Variants in MDGA1 observed in about 807,000 individuals in gnomAD.
MDGA1 encodes the protein MAM domain containing glycosylphosphatidylinositol anchor 1, also known as MAM domain-containing glycosylphosphatidylinositol anchor protein 1.
A neutral mutation model predicts 101.5 loss-of-function variants in MDGA1; 54 were observed. That is an observed-to-expected ratio of 0.53 (90% CI 0.43 to 0.67). MDGA1 has a LOEUF of 0.67. Among genes scored for constraint, MDGA1 ranks in the 30% least tolerant of loss-of-function variants. The pLI is 0.00. For missense variants in MDGA1, 1,083 were observed against 1,323.8 expected (o/e 0.82, Z 2.82); for synonymous variants, 533 against 558.3 (o/e 0.95, Z 0.64).
intron 1 of MDGA1, among the ~76,000 whole-genome samples, chr6:37,687,540 G>C (rs1561864432): frequency 6.6e-6 from 1 of 152,114 alleles, no homozygotes; most frequent in African/African-American, 2.4e-5. Flanking sequence ...CTGTTCTCCA[G>C]CCTGCAAGAC....
At chr6:37,644,340 C>T (rs763291077) in intron 13 of MDGA1, among the ~76,000 whole-genome samples, 157 bp downstream of exon 13, 1 of 151,958 alleles carries the variant, frequency 6.6e-6, no homozygotes, top group African/African-American at 2.4e-5. Flanking sequence ...TCCCTGAAAT[C>T]GAGGCTGTGT....
In MDGA1 at chr6:37,654,553, C is replaced by T. The variant is rs768292174; in HGVS notation, c.713-10G>A. On this transcript the variant is annotated splice_polypyrimidine_tract_variant and intron_variant, in intron 5 of 16. Coordinates refer to ENST00000434837, the MANE Select transcript of MDGA1 (RefSeq NM_153487.4). Reference sequence around the variant, plus strand: ...TTCAGGGCTGGTGGTGCTAAGAGGACAAGGAGGGGGGTCTTAGGGGACTGT... The same window carrying T: ...TTCAGGGCTGGTGGTGCTAAGAGGATAAGGAGGGGGGTCTTAGGGGACTGT... 6.2e-7 allele frequency: 1 copy of T among 1,613,878 alleles called. No individual in the cohort carries two copies. Among genetic ancestry groups the T allele is most frequent in the South Asian group, 1.1e-5 (1 of 91,068 alleles).
chr6:37,651,981 C>A, intron 7 of MDGA1, 30 bp downstream of exon 7: 2 of 1,518,124 alleles, frequency 1.3e-6, no homozygotes, highest in South Asian at 2.5e-5. Context: ...ACCCCCCTCA[C>A]ATTTCCGCAG....
chr6:37,650,983 C>A lies in MDGA1; in HGVS notation c.1313-578G>T, dbSNP rs376953852. ...ATGAGGGCGTTTAAAAGAAGCTGTA[C>A]CCCTCTTCTCCTTCCTGCAGAAAAG... On this transcript the variant is annotated intron_variant, in intron 7 of 16. Coordinates refer to ENST00000434837, the MANE Select transcript of MDGA1 (RefSeq NM_153487.4). Among the ~76,000 whole-genome samples the A allele has an allele frequency of 3.3e-5, 5 of 152,200 alleles. No individual in the cohort carries two copies. In the East Asian group the frequency reaches 9.6e-4, roughly 29 times the overall value.
rs757574806 is a variant in MDGA1, at chr6:37,635,613, G to A, written c.*1755C>T. 2.5e-6 allele frequency: 1 copy of A among 398,690 alleles called. No homozygotes were observed. The highest frequency in any genetic ancestry group is 4.4e-6 in the Non-Finnish European group (1 of 226,096). 24.7% of individuals were successfully genotyped at this position (398,690 alleles called of 1,614,324 possible). A position where few individuals can be genotyped will look rare whatever the true frequency, so the allele number is the denominator to read the frequency against. On this transcript the variant is annotated 3_prime_UTR_variant, in exon 17 of 17. Coordinates refer to ENST00000434837, the MANE Select transcript of MDGA1 (RefSeq NM_153487.4). The stretch of plus-strand genomic sequence containing the variant: ...GGGGAGATGGGCAGCCTTTGCCTCG[G>A]TTCCCCGCCTGCCTCCTGGCACTGC...
At position 37,637,253 on chromosome 6, in the gene MDGA1, C is replaced by G; in HGVS notation, c.*115G>C. 1 of 764,944 alleles carries G rather than the reference C, an allele frequency of 1.3e-6. No individual in the cohort carries two copies. The highest frequency in any genetic ancestry group is 2.2e-6 in the Non-Finnish European group (1 of 455,698). The allele number at this position is 764,944 out of a possible 1,614,324, so 47.4% of individuals were successfully genotyped here. A position where few individuals can be genotyped will look rare whatever the true frequency, so the allele number is the denominator to read the frequency against. On this transcript the variant is annotated 3_prime_UTR_variant, in exon 17 of 17. Coordinates refer to ENST00000434837, the MANE Select transcript of MDGA1 (RefSeq NM_153487.4). ...CTTGCAGCCAATGCAGGCCCCCTCC[C>G]TGGCGGGCCGGCCCTGCCCCTGGGC... is the stretch of plus-strand genomic sequence containing the variant.
chr6:37,673,973 C>T (rs916780972), intron 1 of MDGA1, among the ~76,000 whole-genome samples: 6 of 152,204 alleles, frequency 3.9e-5, no homozygotes, highest in Non-Finnish European at 7.3e-5. Context: ...CACACACAAT[C>T]ACCTTTTAAT....
chr6:37,643,758 T>G, intron 14 of MDGA1, 51 bp downstream of exon 14: 5 of 1,606,572 alleles, frequency 3.1e-6, no homozygotes, highest in Non-Finnish European at 4.3e-6. Context: ...CCCACTCCCC[T>G]CCCATCCTCC....
chr6:37,692,418 G>T (rs1447516988), intron 1 of MDGA1, among the ~76,000 whole-genome samples: 3 of 150,514 alleles, frequency 2.0e-5, no homozygotes, highest in African/African-American at 7.3e-5. Flanking sequence ...GCCATGAGAT[G>T]AAAGTGGGGA....
intron 1 of MDGA1, among the ~76,000 whole-genome samples, chr6:37,693,075 T>A (rs952524683): frequency 6.6e-6 from 1 of 152,206 alleles, no homozygotes; most frequent in Admixed American, 6.5e-5. Context: ...CTTGGATTTG[T>A]GGACACAAAG....
intron 8 of MDGA1, among the ~76,000 whole-genome samples, chr6:37,649,630 G>A (rs771607307): frequency 2.4e-4 from 37 of 151,808 alleles, no homozygotes; most frequent in Non-Finnish European, 4.3e-4. Flanking sequence ...CCCTGACTCT[G>A]TGAGACTTTA....
intron 1 of MDGA1, among the ~76,000 whole-genome samples, chr6:37,673,869 C>T (rs1761922737): frequency 6.6e-6 from 1 of 152,202 alleles, no homozygotes; most frequent in Admixed American, 6.5e-5. Context: ...CCATCCAGTT[C>T]TGGTCATTCT....
At chr6:37,660,140 G>C (rs566823786) in intron 2 of MDGA1, among the ~76,000 whole-genome samples, 3 of 149,760 alleles carry the variant, frequency 2.0e-5, no homozygotes, top group Non-Finnish European at 4.4e-5. Context: ...AGACTCCCAA[G>C]TAGCTAGGAC....
In MDGA1 at chr6:37,696,976, G is replaced by A; in HGVS notation, c.-165C>T. On this transcript the variant is annotated 5_prime_UTR_variant, in exon 1 of 17. Coordinates refer to ENST00000434837, the MANE Select transcript of MDGA1 (RefSeq NM_153487.4). This position sits in a 1 kb window ranked among gnomAD's most constrained non-coding sequence, Gnocchi z 5.6. ...AGACTGAAGAGGCGGAGGTGGCGGC[G>A]ACCCGTGTTTCTCCTCCGGCGGGGC... 3.3e-6 allele frequency: 2 copies of A among 614,276 alleles called. No homozygotes were observed. Among genetic ancestry groups the A allele is most frequent in the South Asian group, 4.0e-5 (2 of 50,372 alleles). 38.1% of individuals were successfully genotyped at this position (614,276 alleles called of 1,614,324 possible).
intron 1 of MDGA1, among the ~76,000 whole-genome samples, chr6:37,670,372 C>G (rs1761842209): frequency 6.6e-6 from 1 of 152,102 alleles, no homozygotes. Context: ...TGAACATGTT[C>G]AAAATTCATG....
rs1296712437 is a variant in MDGA1, at chr6:37,652,036, G to A, written c.1287C>T (p.Val429=). The A allele has an allele frequency of 1.0e-5, 16 of 1,603,666 alleles. No homozygotes were observed. The highest frequency in any genetic ancestry group is 2.2e-5 in the South Asian group (2 of 90,788). ...FPGAPVPDLS[V]EVNISSETVP... ...CTGTCTCAGAGGAGATGTTGACCTC[G>A]ACGCTGAGGTCGGGCACGGGTGCCC... Residue 429 remains valine (V), a synonymous_variant, in exon 7 of 17, where the codon GTC becomes GTT. Transcript: ENST00000434837. The surrounding 1 kb of genome is among the most constrained non-coding windows in gnomAD (Gnocchi z 4.3).
At position 37,649,046 on chromosome 6, in the gene MDGA1, G is replaced by T; in HGVS notation, c.1830C>A (p.Ser610Arg). Residue 610 changes from serine (S) to arginine (R), a missense_variant, in exon 9 of 17, where the codon AGC (serine) becomes AGA (arginine). Ser to Arg is a moderately radical substitution (Grantham distance 110). Coordinates refer to ENST00000434837, the MANE Select transcript of MDGA1 (RefSeq NM_153487.4). ...LRLDAVTRDSSGSYECSVSND... is the reference protein window; with the variant it reads ...LRLDAVTRDSRGSYECSVSND... ...TGGAGACGCTGCACTCGTAGCTGCC[G>T]CTGCTGTCGCGAGTTACGGCGTCGA... 6.5e-7 allele frequency: 1 copy of T among 1,545,206 alleles called. No homozygotes were observed. The highest frequency in any genetic ancestry group is 8.7e-7 in the Non-Finnish European group (1 of 1,145,650).
At chr6:37,666,116 G>A (rs1369267801) in intron 1 of MDGA1, among the ~76,000 whole-genome samples, 1 of 151,834 alleles carries the variant, frequency 6.6e-6, no homozygotes, top group African/African-American at 2.4e-5. Flanking sequence ...GGGAGGCCGA[G>A]GCGGGTGGAT....
intron 1 of MDGA1, among the ~76,000 whole-genome samples, chr6:37,695,934 C>A (rs938742986): frequency 1.3e-5 from 2 of 152,184 alleles, no homozygotes; most frequent in Non-Finnish European, 2.9e-5. Context: ...CTGGGAAAAC[C>A]CACAGGATGG....
Sources: gnomAD v4.1 joint callset for allele counts (sites outside exome capture counted in the v4.1 genomes callset) on GRCh38, gnomAD v4.1.1 for gene constraint, Gnocchi (gnomAD v3.1) non-coding constraint, MANE v1.5 for transcripts, NCBI Gene and HGNC (gene_info 2026-07-23, HGNC 2026-07-21) for gene names.